Variants in RPA1 observed in about 807,000 individuals in gnomAD.
RPA1 encodes replication protein A 70 kDa DNA-binding subunit.
Under a neutral mutation model 83.0 loss-of-function variants are expected in RPA1, and 49 were observed. That is an observed-to-expected ratio of 0.59 (90% CI 0.47 to 0.75). The LOEUF (loss-of-function observed/expected upper bound fraction) is 0.75, where lower values mean the gene tolerates loss of function less well. Ranked by LOEUF, RPA1 falls within the 30% of genes least tolerant of loss-of-function variation. RPA1 has a pLI of 0.00. For synonymous variants in RPA1, 279 were observed against 281.8 expected (o/e 0.99, Z 0.10); for missense variants, 693 against 776.1 (o/e 0.89, Z 1.27).
intron 4 of RPA1, among the ~76,000 whole-genome samples, chr17:1,845,636 A>T (rs1214771586): frequency 6.6e-6 from 1 of 152,254 alleles, no homozygotes; most frequent in Non-Finnish European, 1.5e-5. Flanking sequence ...TTGCTAAAAC[A>T]TGACTGATTT....
intron 15 of RPA1, among the ~76,000 whole-genome samples, chr17:1,892,956 T>C (rs527792446): frequency 6.6e-6 from 1 of 152,368 alleles, no homozygotes; most frequent in East Asian, 1.9e-4. Context: ...TTTCTGTAGA[T>C]GGCTTTTCCC....
At chr17:1,872,956 G>A (rs1913434458) in intron 6 of RPA1, among the ~76,000 whole-genome samples, 1 of 152,136 alleles carries the variant, frequency 6.6e-6, no homozygotes, top group African/African-American at 2.4e-5. Context: ...GATTATAAGT[G>A]TGAGCCAGGG....
At position 1,867,770 on chromosome 17, in the gene RPA1, T is replaced by C. The variant is rs192400734; in HGVS notation, c.362-4664T>C. On this transcript the variant is annotated intron_variant, in intron 5 of 16. Transcript: ENST00000254719. The stretch of plus-strand genomic sequence containing the variant: ...TGATGAAAGGATTGAAGGATACTTA[T>C]TGCTTAGTCAGAAATACAGGGCTAT... Among the ~76,000 whole-genome samples the C allele has an allele frequency of 2.6e-5, 4 of 151,862 alleles. No homozygotes were observed. In the East Asian group the frequency reaches 5.8e-4, roughly 22 times the overall value.
chr17:1,835,108 C>T (rs1248756542), intron 1 of RPA1, among the ~76,000 whole-genome samples: 2 of 152,108 alleles, frequency 1.3e-5, no homozygotes, highest in East Asian at 3.8e-4. Context: ...GCCTCGGCTT[C>T]CCCAAGTCCT....
In RPA1 at chr17:1,842,800, C is replaced by G. The variant is rs1195368467; in HGVS notation, c.34-3C>G. ...TCACACAAACCTGTTTTTACTCCCTCAGGCCATCATGCAGAAGGGGGATAC... is the reference window on the plus strand; with the variant it reads ...TCACACAAACCTGTTTTTACTCCCTGAGGCCATCATGCAGAAGGGGGATAC... On this transcript the variant is annotated splice_region_variant and splice_polypyrimidine_tract_variant and intron_variant, in intron 1 of 16. Coordinates refer to ENST00000254719, the MANE Select transcript of RPA1 (RefSeq NM_002945.5). The G allele has an allele frequency of 2.5e-6, 4 of 1,613,972 alleles. No individual in the cohort carries two copies.
chr17:1,877,996 C>G (rs17338843), intron 8 of RPA1, among the ~76,000 whole-genome samples: 4,026 of 152,262 alleles, frequency 0.026, 176 homozygotes, highest in African/African-American at 0.089. Context: ...TTTGGGAGGC[C>G]AGGGTGCACA....
intron 5 of RPA1, among the ~76,000 whole-genome samples, chr17:1,859,484 A>G (rs969959752): frequency 1.3e-5 from 2 of 152,222 alleles, no homozygotes; most frequent in Non-Finnish European, 2.9e-5. Flanking sequence ...AAGCTGTATT[A>G]TTAAATATCT....
At chr17:1,849,495 T>C (rs1437385282) in intron 4 of RPA1, among the ~76,000 whole-genome samples, 1 of 152,000 alleles carries the variant, frequency 6.6e-6, no homozygotes, top group Non-Finnish European at 1.5e-5. Flanking sequence ...GGTTTCACTG[T>C]GTTAGCCAGG....
At chr17:1,848,640 C>G (rs1912357153) in intron 4 of RPA1, among the ~76,000 whole-genome samples, 1 of 138,194 alleles carries the variant, frequency 7.2e-6, no homozygotes, top group African/African-American at 2.7e-5. Flanking sequence ...TCTCGGCTCA[C>G]TACAACCTCT....
At chr17:1,831,864 G>A (rs1219567824) in intron 1 of RPA1, among the ~76,000 whole-genome samples, 2 of 138,064 alleles carry the variant, frequency 1.4e-5, no homozygotes, top group Non-Finnish European at 3.1e-5. Context: ...CTCCCAAAGT[G>A]TTGGGGTTAC....
chr17:1,883,380 C>G (rs1160867955), intron 12 of RPA1, among the ~76,000 whole-genome samples: 4 of 152,092 alleles, frequency 2.6e-5, no homozygotes, highest in African/African-American at 9.7e-5. Flanking sequence ...CCAGGATAGT[C>G]TTGATCTCTT....
At chr17:1,886,854 T>C (rs956123869) in intron 13 of RPA1, among the ~76,000 whole-genome samples, 2 of 152,010 alleles carry the variant, frequency 1.3e-5, no homozygotes, top group South Asian at 4.2e-4. Context: ...AGAGACTAGG[T>C]CTCACTATGT....
intron 5 of RPA1, chr17:1,872,233 C>T: frequency 1.4e-6 from 1 of 705,630 alleles, no homozygotes. Context: ...ATGGAGCCAA[C>T]CTTTTGTGTA....
chr17:1,832,330 C>G (rs537752337), intron 1 of RPA1, among the ~76,000 whole-genome samples: 2 of 152,214 alleles, frequency 1.3e-5, no homozygotes, highest in East Asian at 1.9e-4. Flanking sequence ...TGTGACTTCC[C>G]TTACTAGGCT....
intron 12 of RPA1, among the ~76,000 whole-genome samples, chr17:1,882,704 G>A (rs545502865): frequency 6.6e-6 from 1 of 152,270 alleles, no homozygotes; most frequent in Non-Finnish European, 1.5e-5. Context: ...ATCAGGCATA[G>A]GAGGCCTTTT....
At chr17:1,858,341 A>C in intron 5 of RPA1, 1 of 1,607,592 alleles carries the variant, frequency 6.2e-7, no homozygotes, top group Admixed American at 1.7e-5. Context: ...CCACGGTGGC[A>C]GATGGACATC....
At chr17:1,849,018 G>T in intron 4 of RPA1, among the ~76,000 whole-genome samples, 1 of 152,082 alleles carries the variant, frequency 6.6e-6, no homozygotes, top group Non-Finnish European at 1.5e-5. Context: ...GTGGACAGAC[G>T]TTTCCATTTC....
chr17:1,887,587 TATG>T lies in RPA1; in HGVS notation c.1375-1085_1375-1083del, dbSNP rs529553506. On this transcript the variant is annotated intron_variant, in intron 13 of 16. Transcript: ENST00000254719. ...AAAAAAAAAAAATCACCATAACAGA[TATG>T]ATAATAATGAAAAAGGGCCAGGCAT... 1.5e-3 allele frequency among the ~76,000 whole-genome samples: 213 copies of T among 141,778 alleles called. 1 individual carries two copies. The highest frequency in any genetic ancestry group is 4.3e-3 in the African/African-American group (161 of 37,778). 93.0% of individuals were successfully genotyped at this position (141,778 alleles called of 152,430 possible). A position where few individuals can be genotyped will look rare whatever the true frequency, so the allele number is the denominator to read the frequency against.
chr17:1,867,390 C>A (rs11078678), intron 5 of RPA1, among the ~76,000 whole-genome samples: 29,014 of 151,908 alleles, frequency 0.19, 3,105 homozygotes, highest in East Asian at 0.41. Flanking sequence ...TGGACATTTT[C>A]TGTTTTGGGG....
Sources: gnomAD v4.1 joint callset for allele counts (sites outside exome capture counted in the v4.1 genomes callset) on GRCh38, gnomAD v4.1.1 for gene constraint, MANE v1.5 for transcripts, NCBI Gene and HGNC (gene_info 2026-07-23, HGNC 2026-07-21) for gene names.